The following THSD4 variants were observed in gnomAD, a reference collection of about 807,000 sequenced individuals.
THSD4 encodes the protein thrombospondin type-1 domain-containing protein 4.
A neutral mutation model predicts 119.0 loss-of-function variants in THSD4; 69 were observed. That is an observed-to-expected ratio of 0.58 (90% CI 0.48 to 0.71). The LOEUF (loss-of-function observed/expected upper bound fraction) is 0.71, where lower values mean the gene tolerates loss of function less well. Among genes scored for constraint, THSD4 ranks in the 30% least tolerant of loss-of-function variants. THSD4 has a pLI of 0.00. For synonymous variants in THSD4, 524 were observed against 540.4 expected (o/e 0.97, Z 0.42); for missense variants, 1,393 against 1,391.1 (o/e 1.00, Z -0.02).
chr15:71,742,061 CCCAAGCCTCCCGGCATTGT>C (rs1211207800), intron 11 of THSD4, among the ~76,000 whole-genome samples: 1 of 152,200 alleles, frequency 6.6e-6, no homozygotes, highest in Non-Finnish European at 1.5e-5. Flanking sequence ...ACCAGGAAAT[CCCAAGCCTCCCGGCATTGT>C]CCAAGTCACT....
intron 6 of THSD4, among the ~76,000 whole-genome samples, chr15:71,394,266 C>CTTTTTTTT (rs58372446): frequency 2.7e-4 from 24 of 89,678 alleles, no homozygotes; most frequent in Admixed American, 4.3e-4. Flanking sequence ...ACACATTTGT[C>CTTTTTTTT]TTTTTTTTTT....
chr15:71,483,543 T>A (rs1238729904), intron 7 of THSD4, among the ~76,000 whole-genome samples: 1 of 152,148 alleles, frequency 6.6e-6, no homozygotes, highest in East Asian at 1.9e-4. Context: ...AACTTGAACT[T>A]CCACAGCCTT....
At chr15:71,753,211 T>C (rs1010041806) in intron 14 of THSD4, among the ~76,000 whole-genome samples, 1 of 152,232 alleles carries the variant, frequency 6.6e-6, no homozygotes, top group African/African-American at 2.4e-5. Context: ...CTTAAAAACA[T>C]CTTTTCAGCT....
chr15:71,753,924 A>G (rs868324178), intron 14 of THSD4, among the ~76,000 whole-genome samples: 30 of 152,156 alleles, frequency 2.0e-4, no homozygotes, highest in African/African-American at 7.0e-4. Context: ...TAAATTAGGT[A>G]TATGGGGATG....
chr15:71,162,217 C>T (rs2043255420), intron 3 of THSD4, among the ~76,000 whole-genome samples: 1 of 151,938 alleles, frequency 6.6e-6, no homozygotes, highest in African/African-American at 2.4e-5. Context: ...TTTACCCAGA[C>T]TGGTTTTGTA....
At chr15:71,290,663 T>A (rs771210969) in intron 6 of THSD4, among the ~76,000 whole-genome samples, 10 of 152,318 alleles carry the variant, frequency 6.6e-5, no homozygotes, top group Admixed American at 2.0e-4. Flanking sequence ...AGTATTTTGG[T>A]CATAATACAT....
At chr15:71,708,038 T>C (rs1395569020) in intron 8 of THSD4, among the ~76,000 whole-genome samples, 2 of 152,208 alleles carry the variant, frequency 1.3e-5, no homozygotes, top group Non-Finnish European at 2.9e-5. Flanking sequence ...GAGAGTTAAC[T>C]GAGTTCCCTT....
intron 14 of THSD4, among the ~76,000 whole-genome samples, chr15:71,756,650 C>T (rs187973839): frequency 9.1e-4 from 139 of 152,162 alleles, no homozygotes; most frequent in African/African-American, 3.3e-3. Context: ...TGGACATGGT[C>T]GTGAGCACCT....
At chr15:71,634,953 G>A (rs1028875337) in intron 7 of THSD4, among the ~76,000 whole-genome samples, 5 of 152,190 alleles carry the variant, frequency 3.3e-5, no homozygotes, top group African/African-American at 1.2e-4. Flanking sequence ...CTGGGCTGTG[G>A]TTTGCTGCCA....
Position 71,633,402 on chromosome 15 carries a change from A to G in THSD4, c.1153-27128A>G, listed in dbSNP as rs141337055. On this transcript the variant is annotated intron_variant, in intron 7 of 17. Transcript: ENST00000261862. ...GCCATCCTCCCATCTCAGCCTCCCC[A>G]TTAGCTGAGACCACAGGCACATGCC... Among the ~76,000 whole-genome samples, 511 of 148,576 alleles carry G rather than the reference A, an allele frequency of 3.4e-3. 1 individual carries two copies. Among genetic ancestry groups the G allele is most frequent in the Middle Eastern group, 7.4e-3 (2 of 272 alleles).
intron 6 of THSD4, among the ~76,000 whole-genome samples, chr15:71,332,892 A>ATTTGTTTTTTTATTTTTTTT (rs2045442010): frequency 1.3e-5 from 1 of 76,940 alleles, no homozygotes; most frequent in Non-Finnish European, 2.6e-5. Flanking sequence ...ATTTTTTTAC[A>ATTTGTTTTTTTATTTTTTTT]TTTTTTTTTT....
chr15:71,737,907 G>A lies in THSD4; in HGVS notation c.1806G>A (p.Pro602=), dbSNP rs759236838. 81 of 1,614,088 alleles carry A rather than the reference G, an allele frequency of 5.0e-5. No individual in the cohort carries two copies. The highest frequency in any genetic ancestry group is 8.0e-5 in the African/African-American group (6 of 74,936). ...RHPDRFSPHR[P]DNLVPPAPQP... is the part of the protein sequence containing the mutation. The stretch of plus-strand genomic sequence containing the variant: ...CAGACAGATTTTCTCCCCATCGACC[G>A]GACAACTTGGTGCCACCAGCACCGC... The change falls in exon 11 of 18, where the codon CCG becomes CCA. Residue 602 remains proline, a synonymous_variant. Coordinates refer to ENST00000261862, the MANE Select transcript of THSD4 (RefSeq NM_024817.3).
chr15:71,366,345 A>T (rs2045964041), intron 6 of THSD4, among the ~76,000 whole-genome samples: 1 of 152,148 alleles, frequency 6.6e-6, no homozygotes, highest in Non-Finnish European at 1.5e-5. Flanking sequence ...AAGTGCTGGG[A>T]AACAGCTCCC....
At chr15:71,325,053 G>T (rs117365020) in intron 6 of THSD4, among the ~76,000 whole-genome samples, 1 of 152,252 alleles carries the variant, frequency 6.6e-6, no homozygotes, top group East Asian at 1.9e-4. Context: ...TTGCCCTGAT[G>T]ATTAGTGATG....
chr15:71,341,616 C>G, intron 6 of THSD4: 3 of 1,591,938 alleles, frequency 1.9e-6, no homozygotes, highest in Non-Finnish European at 2.6e-6. Flanking sequence ...ATGGCCTGAG[C>G]AGTTTCACGA....
chr15:71,396,821 T>C (rs890759731), intron 6 of THSD4, among the ~76,000 whole-genome samples: 2 of 152,256 alleles, frequency 1.3e-5, no homozygotes, highest in African/African-American at 4.8e-5. Flanking sequence ...CTTTTCATAA[T>C]GGCATTTGTT....
chr15:71,652,612 T>C (rs1382984105), intron 7 of THSD4, among the ~76,000 whole-genome samples: 4 of 152,194 alleles, frequency 2.6e-5, no homozygotes, highest in Non-Finnish European at 5.9e-5. Context: ...TCTTACAGAA[T>C]ATGATATGTT....
rs374790871 is a variant in THSD4, at chr15:71,629,935, C to T, written c.1153-30595C>T. On this transcript the variant is annotated intron_variant, in intron 7 of 17. Transcript: ENST00000261862. ...GAACCCTTGGAGGCGCCTTTGTACCCGCAAGCCACGTGGCCAGGCCCTTGT... is the reference window on the plus strand; with the variant it reads ...GAACCCTTGGAGGCGCCTTTGTACCTGCAAGCCACGTGGCCAGGCCCTTGT... Among the ~76,000 whole-genome samples, 44 of 152,276 alleles carry T rather than the reference C, an allele frequency of 2.9e-4. No homozygotes were observed. The East Asian group carries it at 3.7e-3, about 13-fold the overall frequency.
At chr15:71,290,792 C>T (rs978344023) in intron 6 of THSD4, among the ~76,000 whole-genome samples, 1 of 151,994 alleles carries the variant, frequency 6.6e-6, no homozygotes, top group African/African-American at 2.4e-5. Context: ...TAGGTTTGTC[C>T]CTACTGCCAA....
Sources: allele counts gnomAD v4.1 joint callset (sites outside exome capture counted in the v4.1 genomes callset), GRCh38; gene constraint gnomAD v4.1.1; transcripts MANE v1.5; gene names NCBI Gene and HGNC (gene_info 2026-07-23, HGNC 2026-07-21).